Variants in ZFAND3 observed in about 807,000 individuals in gnomAD.
ZFAND3 encodes the protein zinc finger AN1-type containing 3, also known as AN1-type zinc finger protein 3.
A neutral mutation model predicts 29.6 loss-of-function variants in ZFAND3; 10 were observed. The observed-to-expected ratio is 0.34, with a 90% CI of 0.21 to 0.57. ZFAND3 has a LOEUF of 0.57. Among genes scored for constraint, ZFAND3 ranks in the 20% least tolerant of loss-of-function variants. The pLI, the probability that ZFAND3 is intolerant of heterozygous loss-of-function variation, is 0.86. For synonymous variants in ZFAND3, 128 were observed against 112.6 expected (o/e 1.14, Z -0.87); for missense variants, 230 against 304.5 (o/e 0.76, Z 1.82).
intron 2 of ZFAND3, among the ~76,000 whole-genome samples, chr6:37,956,977 G>A (rs963440912): frequency 6.6e-6 from 1 of 152,176 alleles, no homozygotes; most frequent in Non-Finnish European, 1.5e-5. Flanking sequence ...GCCTGTGACA[G>A]TCTTCACATC....
At chr6:38,033,031 T>C (rs1361678698) in intron 2 of ZFAND3, among the ~76,000 whole-genome samples, 1 of 152,162 alleles carries the variant, frequency 6.6e-6, no homozygotes, top group Non-Finnish European at 1.5e-5. Flanking sequence ...GCTAAAGCTG[T>C]ATCCTTTAGG....
At chr6:38,068,068 TAGAG>T (rs1764380439) in intron 3 of ZFAND3, among the ~76,000 whole-genome samples, 1 of 152,180 alleles carries the variant, frequency 6.6e-6, no homozygotes, top group South Asian at 2.1e-4. Context: ...AACTAGCAGT[TAGAG>T]AGTACCTATC....
chr6:37,933,429 T>C (rs1451567614), intron 2 of ZFAND3, among the ~76,000 whole-genome samples: 1 of 152,202 alleles, frequency 6.6e-6, no homozygotes, highest in Non-Finnish European at 1.5e-5. Flanking sequence ...AATATTCTGC[T>C]AAGTGGTGAG....
intron 4 of ZFAND3, among the ~76,000 whole-genome samples, chr6:38,114,900 C>T (rs928659894): frequency 9.2e-5 from 14 of 152,156 alleles, no homozygotes; most frequent in Admixed American, 8.5e-4. Flanking sequence ...AAATTTCCTG[C>T]CCTCTTGGAG....
At chr6:38,151,817 T>C (rs554934894) in intron 5 of ZFAND3, among the ~76,000 whole-genome samples, 7 of 152,220 alleles carry the variant, frequency 4.6e-5, no homozygotes, top group African/African-American at 1.7e-4. Flanking sequence ...ACATAATCAT[T>C]TCTCCTGCCT....
intron 5 of ZFAND3, among the ~76,000 whole-genome samples, chr6:38,144,231 A>ATATATATATAATATATATATATTT (rs1365246829): frequency 4.0e-5 from 3 of 75,256 alleles, no homozygotes; most frequent in South Asian, 4.2e-4. Context: ...ATATATATAT[A>ATATATATATAATATATATATATTT]TTTTTTTTTT....
chr6:37,990,041 T>C (rs1187039316), intron 2 of ZFAND3, among the ~76,000 whole-genome samples: 1 of 152,176 alleles, frequency 6.6e-6, no homozygotes, highest in African/African-American at 2.4e-5. Context: ...GTTACTGGTA[T>C]AGCCCAGGAC....
chr6:38,058,459 A>T lies in ZFAND3; in HGVS notation c.113-3134A>T, dbSNP rs571074437. Among the ~76,000 whole-genome samples, 7 of 152,386 alleles carry T rather than the reference A, an allele frequency of 4.6e-5. 1 individual carries two copies. In the South Asian group the frequency reaches 1.5e-3, roughly 32 times the overall value. On this transcript the variant is annotated intron_variant, in intron 2 of 5. Transcript: ENST00000287218. Reference sequence around the variant, plus strand: ...TGAAGGTGCTATACAAATAACACTGAGATAATAAGCCATTTTTAAATGTCA... The same window carrying T: ...TGAAGGTGCTATACAAATAACACTGTGATAATAAGCCATTTTTAAATGTCA...
chr6:38,144,639 C>T (rs1766067101), intron 5 of ZFAND3, among the ~76,000 whole-genome samples: 1 of 152,186 alleles, frequency 6.6e-6, no homozygotes, highest in Non-Finnish European at 1.5e-5. Context: ...TTTTTAGGTC[C>T]TCCTTCAACT....
intron 4 of ZFAND3, among the ~76,000 whole-genome samples, chr6:38,107,929 T>TAAA (rs11423651): frequency 7.0e-6 from 1 of 142,286 alleles, no homozygotes; most frequent in African/African-American, 2.6e-5. Context: ...GAAGGACTGT[T>TAAA]AAAAAAAAAA....
intron 5 of ZFAND3, among the ~76,000 whole-genome samples, chr6:38,144,181 TATAATATATA>T (rs1234128525): frequency 5.5e-4 from 20 of 36,690 alleles, no homozygotes; most frequent in South Asian, 4.2e-3. Flanking sequence ...GATATATATA[TATAATATATA>T]TATATATATA....
chr6:38,083,596 T>G (rs1434845809), intron 4 of ZFAND3, among the ~76,000 whole-genome samples: 2 of 152,156 alleles, frequency 1.3e-5, no homozygotes, highest in Non-Finnish European at 2.9e-5. Flanking sequence ...TGTCCTTTGA[T>G]TTGAGGTCCA....
chr6:37,908,333 T>C (rs1765447152), intron 1 of ZFAND3, among the ~76,000 whole-genome samples: 1 of 152,158 alleles, frequency 6.6e-6, no homozygotes, highest in African/African-American at 2.4e-5. Context: ...AAAAATACCT[T>C]AAATGCTTTA....
intron 2 of ZFAND3, among the ~76,000 whole-genome samples, chr6:37,960,833 A>G (rs1252539164): frequency 6.6e-6 from 1 of 152,052 alleles, no homozygotes; most frequent in Non-Finnish European, 1.5e-5. Context: ...TAACCCCAGC[A>G]CTTTGGGAAG....
intron 2 of ZFAND3, among the ~76,000 whole-genome samples, chr6:38,004,102 G>A (rs2127440861): frequency 6.6e-6 from 1 of 152,154 alleles, no homozygotes; most frequent in Admixed American, 6.5e-5. Context: ...TCCCTTGGAG[G>A]ATTTTAGGAG....
chr6:38,069,781 A>G (rs971985193), intron 3 of ZFAND3, among the ~76,000 whole-genome samples: 17 of 152,216 alleles, frequency 1.1e-4, no homozygotes, highest in African/African-American at 3.9e-4. Flanking sequence ...CCATAATGTC[A>G]GTTGGATAGG....
At chr6:38,064,666 C>CTTTTTTT (rs35827782) in intron 3 of ZFAND3, among the ~76,000 whole-genome samples, 2 of 115,938 alleles carry the variant, frequency 1.7e-5, no homozygotes, top group Non-Finnish European at 3.6e-5. Flanking sequence ...CTGCTATGGG[C>CTTTTTTT]TTTTTTTTTT....
chr6:38,081,903 T>C (rs1433367510), intron 3 of ZFAND3, among the ~76,000 whole-genome samples: 1 of 152,166 alleles, frequency 6.6e-6, no homozygotes, highest in African/African-American at 2.4e-5. Context: ...TTCTTATTTC[T>C]TCTGACAAGC....
chr6:38,094,846 C>T (rs1764945382), intron 4 of ZFAND3, among the ~76,000 whole-genome samples: 1 of 152,134 alleles, frequency 6.6e-6, no homozygotes, highest in African/African-American at 2.4e-5. Context: ...TTTCAGGTTT[C>T]AGATTTTTTA....
Sources: gnomAD v4.1 joint callset for allele counts (sites outside exome capture counted in the v4.1 genomes callset) on GRCh38, gnomAD v4.1.1 for gene constraint, MANE v1.5 for transcripts, NCBI Gene and HGNC (gene_info 2026-07-23, HGNC 2026-07-21) for gene names.